Variants in GALNTL6 observed in about 807,000 individuals in gnomAD.
GALNTL6 encodes the protein polypeptide N-acetylgalactosaminyltransferase-like 6.
A neutral mutation model predicts 73.7 loss-of-function variants in GALNTL6; 46 were observed. The ratio of observed to expected loss-of-function variants is 0.62; its 90% confidence interval spans 0.49 to 0.80. The LOEUF (loss-of-function observed/expected upper bound fraction) is 0.80, where lower values mean the gene tolerates loss of function less well. GALNTL6 is among the 30% of genes least tolerant of loss of function. The pLI is 0.00. For missense variants in GALNTL6, 604 were observed against 755.0 expected (o/e 0.80, Z 2.34); for synonymous variants, 259 against 263.7 (o/e 0.98, Z 0.17).
chr4:171,911,242 C>A (rs1737467921), intron 2 of GALNTL6, among the ~76,000 whole-genome samples: 1 of 152,196 alleles, frequency 6.6e-6, no homozygotes, highest in African/African-American at 2.4e-5. Context: ...CCACTGCAGC[C>A]TCTACCTCCC....
chr4:172,835,171 C>T (rs1159733826), intron 7 of GALNTL6, among the ~76,000 whole-genome samples: 1 of 152,182 alleles, frequency 6.6e-6, no homozygotes, highest in Non-Finnish European at 1.5e-5. Flanking sequence ...GCACTGACAC[C>T]TTCCATTATG....
chr4:172,759,286 G>A (rs2110815832), intron 5 of GALNTL6, among the ~76,000 whole-genome samples: 1 of 152,354 alleles, frequency 6.6e-6, no homozygotes, highest in Admixed American at 6.5e-5. Flanking sequence ...TCCTTTGGGT[G>A]CATGGTGGAT....
chr4:171,866,605 A>T (rs1735977570), intron 2 of GALNTL6, among the ~76,000 whole-genome samples: 1 of 152,310 alleles, frequency 6.6e-6, no homozygotes, highest in South Asian at 2.1e-4. Context: ...CTGCTGTAAC[A>T]AAGTACCATA....
At chr4:172,136,966 A>T (rs1204153835) in intron 2 of GALNTL6, among the ~76,000 whole-genome samples, 3 of 152,082 alleles carry the variant, frequency 2.0e-5, no homozygotes, top group Non-Finnish European at 4.4e-5. Context: ...TAGCCATGGA[A>T]TTACCTTTAT....
chr4:172,926,907 G>T (rs1748088082), intron 8 of GALNTL6, among the ~76,000 whole-genome samples: 1 of 152,078 alleles, frequency 6.6e-6, no homozygotes, highest in Admixed American at 6.6e-5. Flanking sequence ...ATCAGAAGAG[G>T]CTGAGAAAAA....
intron 2 of GALNTL6, among the ~76,000 whole-genome samples, chr4:172,076,527 T>C (rs546507227): frequency 6.6e-6 from 1 of 152,328 alleles, no homozygotes; most frequent in East Asian, 1.9e-4. Flanking sequence ...AGTTATCAAA[T>C]AAAATTAAAA....
chr4:171,864,088 G>A (rs1735907949), intron 2 of GALNTL6, among the ~76,000 whole-genome samples: 1 of 152,136 alleles, frequency 6.6e-6, no homozygotes, highest in Non-Finnish European at 1.5e-5. Context: ...CACTTCTAAA[G>A]TATGTCACTG....
chr4:172,940,636 C>A (rs1290328007), intron 9 of GALNTL6, among the ~76,000 whole-genome samples: 5 of 152,032 alleles, frequency 3.3e-5, no homozygotes. Context: ...GCTGGGATTA[C>A]AGGCGCAAGC....
chr4:173,010,225 T>G (rs1206498698), intron 11 of GALNTL6, among the ~76,000 whole-genome samples: 1 of 152,194 alleles, frequency 6.6e-6, no homozygotes, highest in Non-Finnish European at 1.5e-5. Flanking sequence ...TCAATTGTTT[T>G]GATTTTTAGA....
At chr4:172,528,048 T>A (rs1421813603) in intron 5 of GALNTL6, among the ~76,000 whole-genome samples, 1 of 151,692 alleles carries the variant, frequency 6.6e-6, no homozygotes, top group African/African-American at 2.4e-5. Flanking sequence ...AATTAAAGAA[T>A]TTACAGATAG....
intron 5 of GALNTL6, among the ~76,000 whole-genome samples, chr4:172,520,093 A>G (rs1734728939): frequency 6.6e-6 from 1 of 151,900 alleles, no homozygotes; most frequent in South Asian, 2.1e-4. Flanking sequence ...TATAAATCTA[A>G]AGCAATTTCA....
At position 171,987,756 on chromosome 4, in the gene GALNTL6, C is replaced by T. The variant is rs914190575; in HGVS notation, c.138+173038C>T. ...ATAGCCTGCCTTTGCTGGTGTGTGGCGATTAGGCCTGGTGGAACCACCATC... is the reference window on the plus strand; with the variant it reads ...ATAGCCTGCCTTTGCTGGTGTGTGGTGATTAGGCCTGGTGGAACCACCATC... On this transcript the variant is annotated intron_variant, in intron 2 of 12. Coordinates refer to ENST00000506823, the MANE Select transcript of GALNTL6 (RefSeq NM_001034845.3). Among the ~76,000 whole-genome samples the T allele has an allele frequency of 7.2e-5, 11 of 152,088 alleles. 1 individual carries two copies. The South Asian group carries it at 1.7e-3, about 23-fold the overall frequency.
intron 3 of GALNTL6, among the ~76,000 whole-genome samples, chr4:172,249,165 G>A (rs1321021922): frequency 6.6e-6 from 1 of 152,174 alleles, no homozygotes; most frequent in Non-Finnish European, 1.5e-5. Flanking sequence ...ATAGTGATAT[G>A]AACAATGAAG....
At chr4:172,632,281 C>CTCTTCTG (rs1390761573) in intron 5 of GALNTL6, among the ~76,000 whole-genome samples, 8 of 152,310 alleles carry the variant, frequency 5.3e-5, no homozygotes, top group African/African-American at 1.7e-4. Flanking sequence ...GAGGCTGGAA[C>CTCTTCTG]AGTTTGGAAG....
chr4:171,914,420 A>G (rs1440037592), intron 2 of GALNTL6, among the ~76,000 whole-genome samples: 3 of 147,454 alleles, frequency 2.0e-5, no homozygotes, highest in African/African-American at 5.0e-5. Context: ...TATTAAAAGG[A>G]AAATGTACTT....
intron 2 of GALNTL6, among the ~76,000 whole-genome samples, chr4:172,202,364 A>G (rs140357207): frequency 6.6e-6 from 1 of 152,320 alleles, no homozygotes; most frequent in African/African-American, 2.4e-5. Flanking sequence ...GTATTGGGTA[A>G]GTAAATAAAT....
At chr4:172,035,172 T>G (rs1319712126) in intron 2 of GALNTL6, among the ~76,000 whole-genome samples, 1 of 152,016 alleles carries the variant, frequency 6.6e-6, no homozygotes, top group African/African-American at 2.4e-5. Context: ...GTAAGTAAAG[T>G]AAAAAGGACT....
chr4:172,436,074 A>C (rs1731624289), intron 5 of GALNTL6, among the ~76,000 whole-genome samples: 1 of 152,122 alleles, frequency 6.6e-6, no homozygotes. Flanking sequence ...AATGGTTATT[A>C]GTTTATCATG....
chr4:172,722,849 A>C (rs1290206262), intron 5 of GALNTL6, among the ~76,000 whole-genome samples: 1 of 152,190 alleles, frequency 6.6e-6, no homozygotes, highest in Non-Finnish European at 1.5e-5. Flanking sequence ...CAGTTTCTGC[A>C]TAAGTTTTCT....
Sources: allele counts gnomAD v4.1 joint callset (sites outside exome capture counted in the v4.1 genomes callset), GRCh38; gene constraint gnomAD v4.1.1; transcripts MANE v1.5; gene names NCBI Gene and HGNC (gene_info 2026-07-23, HGNC 2026-07-21).